The following GSPT1 variants were observed in gnomAD, a reference collection of about 807,000 sequenced individuals.
GSPT1 encodes eukaryotic peptide chain release factor GTP-binding subunit ERF3A.
In GSPT1, 20 loss-of-function variants were observed where a neutral mutation model predicts 72.5. The observed-to-expected ratio is 0.28, with a 90% CI of 0.19 to 0.40. The LOEUF (loss-of-function observed/expected upper bound fraction) is 0.40. Among genes scored for constraint, GSPT1 ranks in the 10% least tolerant of loss-of-function variants. The pLI, the probability that GSPT1 is intolerant of heterozygous loss-of-function variation, is 1.00. For missense variants in GSPT1, 580 were observed against 811.9 expected (o/e 0.71, Z 3.47); for synonymous variants, 334 against 293.5 (o/e 1.14, Z -1.41).
chr16:11,892,706 G>A (rs1596466569), intron 5 of GSPT1, among the ~76,000 whole-genome samples: 2 of 150,486 alleles, frequency 1.3e-5, no homozygotes, highest in African/African-American at 4.9e-5. Context: ...GTGCATGCCT[G>A]TAATCCCAGC....
chr16:11,912,925 G>A (rs965125532), intron 1 of GSPT1, among the ~76,000 whole-genome samples: 1 of 152,128 alleles, frequency 6.6e-6, no homozygotes, highest in Non-Finnish European at 1.5e-5. Context: ...GAGATCCAAG[G>A]TCAATACTGA....
At chr16:11,874,293 T>C (rs2054012543) in intron 14 of GSPT1, among the ~76,000 whole-genome samples, 1 of 145,642 alleles carries the variant, frequency 6.9e-6, no homozygotes, top group Non-Finnish European at 1.5e-5. Flanking sequence ...ATAAAGCTGC[T>C]AAAAAAAAAA....
At chr16:11,884,293 T>G (rs1282356064) in intron 10 of GSPT1, among the ~76,000 whole-genome samples, 1 of 152,162 alleles carries the variant, frequency 6.6e-6, no homozygotes, top group Non-Finnish European at 1.5e-5. Flanking sequence ...GCATCAACTT[T>G]AATAAGAAAA....
chr16:11,901,367 A>G (rs2054403920), intron 1 of GSPT1, among the ~76,000 whole-genome samples: 1 of 152,150 alleles, frequency 6.6e-6, no homozygotes, highest in South Asian at 2.1e-4. Context: ...CACATCCTAC[A>G]TGGTTCACAG....
intron 12 of GSPT1, among the ~76,000 whole-genome samples, chr16:11,876,697 C>G (rs1173013574): frequency 6.6e-6 from 1 of 152,182 alleles, no homozygotes; most frequent in South Asian, 2.1e-4. Context: ...GAGCCAAGAT[C>G]GCGCCACTGC....
chr16:11,873,198 T>C, intron 14 of GSPT1, 27 bp from the exon 15 acceptor site: 1 of 1,218,126 alleles, frequency 8.2e-7, no homozygotes, highest in Non-Finnish European at 1.2e-6. Flanking sequence ...AAAAAAATCT[T>C]TCAGTAGTTA....
chr16:11,902,720 G>A (rs1156455882), intron 1 of GSPT1, among the ~76,000 whole-genome samples: 2 of 134,044 alleles, frequency 1.5e-5, no homozygotes, highest in Non-Finnish European at 3.3e-5. Context: ...CCGAGTAGCT[G>A]GGACTATAGG....
rs767114381 is a variant in GSPT1, at chr16:11,915,375, G to A, written c.346C>T (p.Arg116Cys). 7.4e-6 allele frequency: 11 copies of A among 1,483,364 alleles called. No homozygotes were observed. Among genetic ancestry groups the A allele is most frequent in the Non-Finnish European group, 8.0e-6 (9 of 1,122,186 alleles). 91.9% of individuals were successfully genotyped at this position (1,483,364 alleles called of 1,614,324 possible). A position where few individuals can be genotyped will look rare whatever the true frequency, so the allele number is the denominator to read the frequency against. Residue 116 changes from arginine to cysteine, a missense_variant, in exon 1 of 15, where the codon CGT becomes TGT. This residue lies in a region of GSPT1 where 327 missense variants were observed against 298.8 expected (regional missense o/e 1.09). Coordinates refer to ENST00000434724, the MANE Select transcript of GSPT1 (RefSeq NM_002094.4). ...NHGAGSGAGGRAAPVESSQEE... is the reference protein window; with the variant it reads ...NHGAGSGAGGCAAPVESSQEE... ...CCGCGTCCCGGGCCTTTACCCGCAC[G>A]GCCTCCCGCGCCGCTGCCGGCTCCG...
Position 11,873,145 on chromosome 16 carries a change from G to T in GSPT1, c.1888C>A (p.Leu630Met). ...TAGTCTTTCTCTGGAACCAGTTTCA[G>T]AACTTTTCCAATTGCAATGGTCTTA... is the stretch of plus-strand genomic sequence containing the variant. ...EGKTIAIGKV[L>M]KLVPEKD The change falls in exon 15 of 15, where the codon CTG (leucine) becomes ATG (methionine). Residue 630 changes from leucine to methionine, a missense_variant. Transcript: ENST00000434724. 6.3e-7 allele frequency: 1 copy of T among 1,596,538 alleles called. No homozygotes were observed. Among genetic ancestry groups the T allele is most frequent in the Non-Finnish European group, 8.6e-7 (1 of 1,164,482 alleles).
chr16:11,884,353 C>CCCTG (rs1388983643), intron 10 of GSPT1, among the ~76,000 whole-genome samples: 1 of 152,182 alleles, frequency 6.6e-6, no homozygotes, highest in Admixed American at 6.5e-5. Context: ...AAGATATGAT[C>CCCTG]CCTGGCTCAT....
Position 11,896,122 on chromosome 16 carries a change from CCAG to C in GSPT1, c.664+433_664+435del, listed in dbSNP as rs2054335602. 2.0e-5 allele frequency among the ~76,000 whole-genome samples: 3 copies of C among 152,212 alleles called. No homozygotes were observed. The South Asian group carries it at 6.2e-4, about 32-fold the overall frequency. On this transcript the variant is annotated intron_variant, in intron 4 of 14. Coordinates refer to ENST00000434724, the MANE Select transcript of GSPT1 (RefSeq NM_002094.4). ...ATTTGTTCTTTTGTTTTTTGCTAAA[CCAG>C]CAACCTGGCAAGCATCCAGAAGTTA...
At chr16:11,914,327 T>C (rs1367666250) in intron 1 of GSPT1, among the ~76,000 whole-genome samples, 2 of 152,154 alleles carry the variant, frequency 1.3e-5, no homozygotes, top group Non-Finnish European at 2.9e-5. Context: ...ATTATGAGAA[T>C]ACATAAGTTC....
At position 11,915,946 on chromosome 16, in the gene GSPT1, T is replaced by G; in HGVS notation, c.-226A>C. 1 of 741,376 alleles carries G rather than the reference T, an allele frequency of 1.3e-6. No individual in the cohort carries two copies. Among genetic ancestry groups the G allele is most frequent in the Non-Finnish European group, 2.5e-6 (1 of 407,108 alleles). The allele number at this position is 741,376 out of a possible 1,614,324, so 45.9% of individuals were successfully genotyped here. A position where few individuals can be genotyped will look rare whatever the true frequency, so the allele number is the denominator to read the frequency against. ...GGCGGCAGCTCAACCCTCCTCCTCG[T>G]GTGTGTGAGCGGATCTCCTCCCACC... On this transcript the variant is annotated 5_prime_UTR_variant, in exon 1 of 15. Transcript: ENST00000434724.
At chr16:11,882,959 A>T in intron 11 of GSPT1, 56 bp downstream of exon 11, 1 of 1,150,722 alleles carries the variant, frequency 8.7e-7, no homozygotes, top group Non-Finnish European at 1.3e-6. Context: ...CCTATCTCTT[A>T]AAGAAAAAGA....
chr16:11,905,106 T>C (rs1203900270), intron 1 of GSPT1, among the ~76,000 whole-genome samples: 2 of 152,300 alleles, frequency 1.3e-5, no homozygotes, highest in Non-Finnish European at 2.9e-5. Flanking sequence ...TGAGTGAAAC[T>C]GTAGTTTTGT....
At position 11,915,673 on chromosome 16, in the gene GSPT1, C is replaced by CCCGCCG. The variant is rs3031121; in HGVS notation, c.42_47dup (p.Gly15_Gly16dup). 0.014 allele frequency: 21,315 copies of CCCGCCG among 1,470,204 alleles called. 91 individuals carry two copies. Among genetic ancestry groups the CCCGCCG allele is most frequent in the South Asian group, 0.027 (2,103 of 77,686 alleles). The allele number at this position is 1,470,204 out of a possible 1,614,324, so 91.1% of individuals were successfully genotyped here. On this transcript the variant is annotated inframe_insertion, in exon 1 of 15. Transcript: ENST00000434724. ...CGCTGCTGCTGCTGCCGCTGCTGCT[C>CCCGCCG]CCGCCGCCGCCGCCGCCGCCGCCGC... is the stretch of plus-strand genomic sequence containing the variant.
chr16:11,884,257 A>C (rs577521996), intron 10 of GSPT1, among the ~76,000 whole-genome samples: 1 of 152,282 alleles, frequency 6.6e-6, no homozygotes, highest in South Asian at 2.1e-4. Context: ...TTAGCACAGT[A>C]TTTTTGCGAT....
Position 11,896,544 on chromosome 16 carries a change from T to G in GSPT1, c.664+14A>C, listed in dbSNP as rs376393587. 6.4e-5 allele frequency: 93 copies of G among 1,446,948 alleles called. No individual in the cohort carries two copies. Among genetic ancestry groups the G allele is most frequent in the Non-Finnish European group, 8.1e-5 (84 of 1,042,108 alleles). 89.6% of individuals were successfully genotyped at this position (1,446,948 alleles called of 1,614,324 possible). On this transcript the variant is annotated intron_variant, in intron 4 of 14. Coordinates refer to ENST00000434724, the MANE Select transcript of GSPT1 (RefSeq NM_002094.4). ...ATGTATCCAGTAACTTTAATTGCTA[T>G]GAGAGCAGCTTACCTACGTGCCCAA...
At chr16:11,899,661 T>G (rs1039581789) in intron 1 of GSPT1, among the ~76,000 whole-genome samples, 9 of 152,118 alleles carry the variant, frequency 5.9e-5, no homozygotes, top group African/African-American at 1.9e-4. Context: ...AGATTAACTT[T>G]TTTTTGCTTT....
Sources: allele counts gnomAD v4.1 joint callset (sites outside exome capture counted in the v4.1 genomes callset), GRCh38; gene constraint gnomAD v4.1.1; regional missense constraint gnomAD v4.1.1; transcripts MANE v1.5; gene names NCBI Gene and HGNC (gene_info 2026-07-23, HGNC 2026-07-21).